The following FSTL5 variants were observed in gnomAD, a reference collection of about 807,000 sequenced individuals.
FSTL5 encodes the protein follistatin like 5.
A neutral mutation model predicts 89.1 loss-of-function variants in FSTL5; 62 were observed. That is an observed-to-expected ratio of 0.70 (90% CI 0.57 to 0.86). FSTL5 has a LOEUF of 0.86. FSTL5 is among the 40% of genes least tolerant of loss of function. The pLI is 0.00. For synonymous variants in FSTL5, 383 were observed against 346.2 expected (o/e 1.11, Z -1.18); for missense variants, 1,057 against 1,001.6 (o/e 1.06, Z -0.75).
At chr4:161,387,012 A>T (rs1021254285) in intron 15 of FSTL5, 1 of 152,304 alleles carries the variant, frequency 6.6e-6, no homozygotes, top group African/African-American at 2.4e-5. Flanking sequence ...CCTATACTGA[A>T]TAATGAAGAA....
chr4:162,096,881 T>C (rs906446631), intron 2 of FSTL5, among the ~76,000 whole-genome samples: 4 of 151,944 alleles, frequency 2.6e-5, no homozygotes, highest in African/African-American at 4.8e-5. Context: ...TGATACATGA[T>C]TGAATCTATA....
chr4:161,711,964 G>T (rs1353837331), intron 6 of FSTL5, among the ~76,000 whole-genome samples: 1 of 152,084 alleles, frequency 6.6e-6, no homozygotes, highest in African/African-American at 2.4e-5. Flanking sequence ...AGAAATAGAG[G>T]GGAATTTCCT....
chr4:161,386,214 C>T lies in FSTL5; in HGVS notation c.2077G>A (p.Val693Met), dbSNP rs1307697148. 6.2e-7 allele frequency: 1 copy of T among 1,614,010 alleles called. No individual in the cohort carries two copies. Among genetic ancestry groups the T allele is most frequent in the Non-Finnish European group, 8.5e-7 (1 of 1,179,976 alleles). ...TDSVIGFNSD[V>M]TGTPYVSPDG... The stretch of plus-strand genomic sequence containing the variant: ...GGAGAGACATATGGAGTGCCCGTCA[C>T]ATCACTATTGAACCCAATGACTGAG... The change falls in exon 16 of 16, where the codon GTG (valine) becomes ATG (methionine). Residue 693 changes from valine (V) to methionine (M), a missense_variant. Around this residue, in one of 3 missense-constraint regions of FSTL5, gnomAD observed 980 missense variants for 903.2 expected, o/e 1.08. Transcript: ENST00000306100.
chr4:161,612,415 A>G (rs967630410), intron 7 of FSTL5, among the ~76,000 whole-genome samples: 10 of 152,228 alleles, frequency 6.6e-5, no homozygotes, highest in African/African-American at 2.4e-4. Flanking sequence ...AGAGGTCTAG[A>G]AAAGTCAGAT....
rs1732288774 is a variant in FSTL5 at position 162,131,224 on chromosome 4, T to C, written c.-16-19812A>G. Among the ~76,000 whole-genome samples the C allele has an allele frequency of 2.0e-5, 3 of 152,194 alleles. No homozygotes were observed. In the South Asian group the frequency reaches 6.2e-4, roughly 31 times the overall value. ...TTGAATAGAATTAGAATCTCAGGTA[T>C]TATCTGAGTAATTTGAGTGCCCATA... On this transcript the variant is annotated intron_variant, in intron 1 of 15. Coordinates refer to ENST00000306100, the MANE Select transcript of FSTL5 (RefSeq NM_020116.5).
chr4:161,974,914 C>T (rs1351290721), intron 3 of FSTL5, among the ~76,000 whole-genome samples: 1 of 151,216 alleles, frequency 6.6e-6, no homozygotes, highest in Non-Finnish European at 1.5e-5. Flanking sequence ...AAGAAAAAAA[C>T]AAACAACCCC....
intron 3 of FSTL5, among the ~76,000 whole-genome samples, chr4:161,970,133 A>G (rs1319902091): frequency 2.6e-5 from 4 of 152,126 alleles, no homozygotes; most frequent in East Asian, 3.9e-4. Context: ...GGTGTCTTTC[A>G]GGAAAAAAGA....
chr4:161,804,573 TTATTA>T (rs1230737090), intron 4 of FSTL5, among the ~76,000 whole-genome samples: 1 of 151,858 alleles, frequency 6.6e-6, no homozygotes, highest in Non-Finnish European at 1.5e-5. Flanking sequence ...CTTTCCCTAT[TTATTA>T]TATAATTATT....
At chr4:161,791,184 A>G (rs1304780064) in intron 4 of FSTL5, among the ~76,000 whole-genome samples, 6 of 148,216 alleles carry the variant, frequency 4.0e-5, no homozygotes, top group Non-Finnish European at 9.0e-5. Context: ...AATTAGGGAG[A>G]CAGGAAAATT....
intron 2 of FSTL5, among the ~76,000 whole-genome samples, chr4:162,051,500 A>G (rs183849349): frequency 7.4e-4 from 113 of 151,706 alleles, no homozygotes; most frequent in Non-Finnish European, 2.2e-4. Context: ...TACTAGACAT[A>G]TAAAGAATAA....
At chr4:161,542,332 CAA>C (rs1405694507) in intron 9 of FSTL5, among the ~76,000 whole-genome samples, 198 bp downstream of exon 9, 3 of 151,872 alleles carry the variant, frequency 2.0e-5, no homozygotes. Flanking sequence ...ATCATTATGA[CAA>C]GACTATTATT....
chr4:161,777,224 CTGAA>C (rs1473485138), intron 4 of FSTL5, among the ~76,000 whole-genome samples: 1 of 133,582 alleles, frequency 7.5e-6, no homozygotes, highest in Non-Finnish European at 1.6e-5. Context: ...ATTTTTATGA[CTGAA>C]TAATATTTCA....
intron 6 of FSTL5, among the ~76,000 whole-genome samples, chr4:161,670,996 T>C (rs1042924988): frequency 3.3e-5 from 5 of 152,182 alleles, no homozygotes. Context: ...GGTCAAAAGC[T>C]TCACAACACT....
At chr4:161,425,537 AT>A (rs1177204974) in intron 15 of FSTL5, among the ~76,000 whole-genome samples, 4 of 152,112 alleles carry the variant, frequency 2.6e-5, no homozygotes, top group Admixed American at 2.0e-4. Context: ...TTTCATAGCT[AT>A]TTTTTGCCCA....
intron 13 of FSTL5, among the ~76,000 whole-genome samples, chr4:161,459,828 C>T (rs982757479): frequency 6.6e-5 from 10 of 151,792 alleles, no homozygotes; most frequent in South Asian, 4.1e-4. Context: ...GTAATTCTAA[C>T]GAATGATCAG....
intron 4 of FSTL5, among the ~76,000 whole-genome samples, chr4:161,788,436 T>A (rs779086849): frequency 6.6e-6 from 1 of 152,202 alleles, no homozygotes; most frequent in African/African-American, 2.4e-5. Flanking sequence ...CAGCCTCTGA[T>A]AGTTGTTCCA....
intron 8 of FSTL5, among the ~76,000 whole-genome samples, chr4:161,585,991 C>G (rs1733602212): frequency 6.6e-6 from 1 of 152,164 alleles, no homozygotes; most frequent in Admixed American, 6.5e-5. Context: ...TGTATTTTCA[C>G]CAGAAACCAA....
chr4:161,891,087 C>A (rs1579172191), intron 4 of FSTL5, among the ~76,000 whole-genome samples: 1 of 141,284 alleles, frequency 7.1e-6, no homozygotes, highest in Admixed American at 7.2e-5. Flanking sequence ...CTTTTTATAT[C>A]ATTAACTATT....
At chr4:161,616,340 C>T (rs892198713) in intron 7 of FSTL5, among the ~76,000 whole-genome samples, 5 of 152,170 alleles carry the variant, frequency 3.3e-5, no homozygotes, top group Non-Finnish European at 7.3e-5. Context: ...CCACCTTGGC[C>T]TCCCAAAGTG....
Sources: gnomAD v4.1 joint callset for allele counts (sites outside exome capture counted in the v4.1 genomes callset) on GRCh38, gnomAD v4.1.1 for gene constraint, gnomAD v4.1.1 regional missense constraint, MANE v1.5 for transcripts, NCBI Gene and HGNC (gene_info 2026-07-23, HGNC 2026-07-21) for gene names.